Variants in INPP5A observed in about 807,000 individuals in gnomAD.
The protein encoded by INPP5A is inositol polyphosphate-5-phosphatase A.
In INPP5A, 14 loss-of-function variants were observed where a neutral mutation model predicts 65.2. That is an observed-to-expected ratio of 0.21 (90% CI 0.14 to 0.34). The LOEUF (loss-of-function observed/expected upper bound fraction) is 0.34, where lower values mean the gene tolerates loss of function less well. Ranked by LOEUF, INPP5A falls within the 10% of genes least tolerant of loss-of-function variation. INPP5A has a pLI of 1.00. For synonymous variants in INPP5A, 207 were observed against 208.3 expected, an observed-to-expected ratio of 0.99 and a Z score of 0.05; for missense variants, 431 against 545.6, an observed-to-expected ratio of 0.79 and a Z score of 2.09.
chr10:132,569,287 C>T (rs951549776), intron 1 of INPP5A, among the ~76,000 whole-genome samples: 1 of 152,064 alleles, frequency 6.6e-6, no homozygotes, highest in African/African-American at 2.4e-5. Flanking sequence ...CACATGGTTT[C>T]TTCTGTTAAT....
At chr10:132,542,670 G>T (rs529453652) in intron 1 of INPP5A, among the ~76,000 whole-genome samples, 1 of 152,190 alleles carries the variant, frequency 6.6e-6, no homozygotes, top group African/African-American at 2.4e-5. Context: ...GGTGCGGGTT[G>T]TACCCAGCTG....
chr10:132,739,681 A>T (rs1543593), intron 9 of INPP5A, among the ~76,000 whole-genome samples: 25,200 of 152,208 alleles, frequency 0.17, 2,554 homozygotes, highest in Non-Finnish European at 0.23. Context: ...AAGAAGCTGC[A>T]CACGTGTGTG....
intron 13 of INPP5A, 47 bp from the exon 14 acceptor site, chr10:132,780,802 A>T: frequency 4.0e-6 from 6 of 1,507,228 alleles, no homozygotes; most frequent in Middle Eastern, 1.7e-4. Flanking sequence ...AACTGGACCC[A>T]GGGTGCCCCA....
At position 132,659,014 on chromosome 10, in the gene INPP5A, G is replaced by A. The variant is rs1320754734; in HGVS notation, c.306+8509G>A. 2.0e-5 allele frequency among the ~76,000 whole-genome samples: 3 copies of A among 152,144 alleles called. No homozygotes were observed. The highest frequency in any genetic ancestry group is 4.4e-5 in the Non-Finnish European group (3 of 68,006). On this transcript the variant is annotated intron_variant, in intron 4 of 15. Transcript: ENST00000368594. The surrounding 1 kb of genome is among the most constrained non-coding windows in gnomAD (Gnocchi z 5.5). ...CTGCCATCACCTGGAGTCAGCTGCC[G>A]TCCACAGTGGAAGCTGCCAGCCACC...
intron 11 of INPP5A, among the ~76,000 whole-genome samples, chr10:132,754,315 G>A (rs1398737557): frequency 6.6e-6 from 1 of 152,280 alleles, no homozygotes; most frequent in African/African-American, 2.4e-5. Flanking sequence ...GAGCAGCACG[G>A]TGAGCCCGTG....
intron 4 of INPP5A, among the ~76,000 whole-genome samples, chr10:132,666,535 C>T (rs1408257654): frequency 6.6e-6 from 1 of 152,302 alleles, no homozygotes; most frequent in South Asian, 2.1e-4. Context: ...CACCCAAAAC[C>T]GCTGGCCCCG....
intron 11 of INPP5A, among the ~76,000 whole-genome samples, chr10:132,763,445 G>A (rs976478927): frequency 3.9e-5 from 6 of 152,278 alleles, no homozygotes; most frequent in Non-Finnish European, 7.3e-5. Context: ...GAGATGATGC[G>A]TGTTTATAGG....
Position 132,721,891 on chromosome 10 carries a change from TG to T in INPP5A, c.648-4925del, listed in dbSNP as rs528804912. ...TTCACCCTGAGGGCTTGAGGCTTTATGGGGGTAGAGCTCACAGTGGGTGGAG... is the reference window on the plus strand; with the variant it reads ...TTCACCCTGAGGGCTTGAGGCTTTATGGGGTAGAGCTCACAGTGGGTGGAG... On this transcript the variant is annotated intron_variant, in intron 8 of 15. Transcript: ENST00000368594. 2.3e-4 allele frequency among the ~76,000 whole-genome samples: 35 copies of T among 152,254 alleles called. No individual in the cohort carries two copies. The South Asian group carries it at 7.3e-3, about 32-fold the overall frequency.
chr10:132,698,052 C>G lies in INPP5A; in HGVS notation c.474+133C>G, dbSNP rs1336135405. 1.5e-6 allele frequency: 1 copy of G among 668,302 alleles called. No homozygotes were observed. The highest frequency in any genetic ancestry group is 2.7e-6 in the Non-Finnish European group (1 of 367,266). 41.4% of individuals were successfully genotyped at this position (668,302 alleles called of 1,614,324 possible). Reference sequence around the variant, plus strand: ...CCTGTTGTTACCTCCGATAATCTGTCTTCCTGGGAGTCCAGGCTTCTGTGG... The same window carrying G: ...CCTGTTGTTACCTCCGATAATCTGTGTTCCTGGGAGTCCAGGCTTCTGTGG... On this transcript the variant is annotated intron_variant, in intron 6 of 15. Transcript: ENST00000368594. This position sits in a 1 kb window ranked among gnomAD's most constrained non-coding sequence, Gnocchi z 5.5.
At chr10:132,691,828 T>TGCG in intron 5 of INPP5A, among the ~76,000 whole-genome samples, 2 of 146,766 alleles carry the variant, frequency 1.4e-5, no homozygotes, top group South Asian at 2.1e-4. Context: ...GCGGGAGACG[T>TGCG]GTGGTCGCGG....
chr10:132,607,917 A>T lies in INPP5A; in HGVS notation c.78A>T (p.Pro26=). The change falls in exon 2 of 16, where the codon CCA becomes CCT. Residue 26 remains proline (P), a splice_region_variant and synonymous_variant. Coordinates refer to ENST00000368594, the MANE Select transcript of INPP5A (RefSeq NM_005539.5). The part of the protein sequence containing the change: ...TANVGSLFDD[P]ENLQKNWLRE... ...TTCTTTTTCTTCTTAATTTACAGCC[A>T]GAAAACCTGCAGAAGAACTGGCTTC... 1 of 1,610,050 alleles carries T rather than the reference A, an allele frequency of 6.2e-7. No individual in the cohort carries two copies. The highest frequency in any genetic ancestry group is 8.5e-7 in the Non-Finnish European group (1 of 1,179,958).
At chr10:132,725,961 T>G (rs908083226) in intron 8 of INPP5A, among the ~76,000 whole-genome samples, 2 of 152,032 alleles carry the variant, frequency 1.3e-5, no homozygotes, top group Non-Finnish European at 2.9e-5. Context: ...TCGTGTTGCT[T>G]TCACACCAGA....
intron 1 of INPP5A, among the ~76,000 whole-genome samples, chr10:132,574,616 T>G (rs1459250001): frequency 6.9e-6 from 1 of 144,696 alleles, no homozygotes; most frequent in East Asian, 2.0e-4. Context: ...TTTTTCTTTT[T>G]TTTTTAATTT....
intron 1 of INPP5A, among the ~76,000 whole-genome samples, chr10:132,590,716 G>A (rs1017982296): frequency 6.6e-5 from 10 of 152,170 alleles, no homozygotes; most frequent in Admixed American, 2.6e-4. Flanking sequence ...GCCACGTGCC[G>A]TCTTTGGAGG....
chr10:132,570,208 A>C (rs770269665), intron 1 of INPP5A, among the ~76,000 whole-genome samples: 6 of 152,282 alleles, frequency 3.9e-5, no homozygotes, highest in Admixed American at 6.5e-5. Context: ...CAGCCTCCCA[A>C]AGTGCTGGGA....
intron 1 of INPP5A, among the ~76,000 whole-genome samples, chr10:132,604,085 T>A (rs1425734381): frequency 8.5e-6 from 1 of 117,314 alleles, no homozygotes; most frequent in African/African-American, 3.3e-5. Context: ...GTCCCCTCTC[T>A]GTCCCGCCCT....
rs969786773 is a variant in INPP5A, at chr10:132,616,357, G to A, written c.117+8401G>A. Among the ~76,000 whole-genome samples the A allele has an allele frequency of 2.0e-5, 3 of 152,100 alleles. No individual in the cohort carries two copies. Among genetic ancestry groups the A allele is most frequent in the South Asian group, 2.1e-4 (1 of 4,824 alleles). On this transcript the variant is annotated intron_variant, in intron 2 of 15. Transcript: ENST00000368594. This position sits in a 1 kb window ranked among gnomAD's most constrained non-coding sequence, Gnocchi z 4.9. ...ACGCCGTGGGCGTGGTGTGGGGCAC[G>A]TGGCGTGCGGGGACGCCGTGGGCGT...
At chr10:132,756,295 AGTG>A (rs373948957) in intron 11 of INPP5A, among the ~76,000 whole-genome samples, 2,681 of 151,820 alleles carry the variant, frequency 0.018, 40 homozygotes, top group South Asian at 0.039. Flanking sequence ...CATGTGCACT[AGTG>A]TGTGTGGTGT....
chr10:132,559,283 C>T (rs1290316584), intron 1 of INPP5A, among the ~76,000 whole-genome samples: 2 of 152,208 alleles, frequency 1.3e-5, no homozygotes, highest in African/African-American at 4.8e-5. Context: ...GGTAAATCTG[C>T]CCCATCAGTG....
Sources: gnomAD v4.1 joint callset for allele counts (sites outside exome capture counted in the v4.1 genomes callset) on GRCh38, gnomAD v4.1.1 for gene constraint, Gnocchi (gnomAD v3.1) non-coding constraint, MANE v1.5 for transcripts, NCBI Gene and HGNC (gene_info 2026-07-23, HGNC 2026-07-21) for gene names.